PLCB3: variants seen among roughly 807,000 people sequenced by gnomAD.
PLCB3 encodes phospholipase C beta 3.
Under a neutral mutation model 152.1 loss-of-function variants are expected in PLCB3, and 54 were observed. The observed-to-expected ratio is 0.36, with a 90% CI of 0.29 to 0.45. PLCB3 has a LOEUF of 0.45. Among genes scored for constraint, PLCB3 ranks in the 20% least tolerant of loss-of-function variants. PLCB3 has a pLI of 1.00. For synonymous variants in PLCB3, 717 were observed against 698.7 expected (o/e 1.03, Z -0.41); for missense variants, 1,248 against 1,687.5 (o/e 0.74, Z 4.56).
intron 17 of PLCB3, 98 bp downstream of exon 17, chr11:64,262,174 G>A: frequency 6.5e-7 from 1 of 1,538,188 alleles, no homozygotes; most frequent in Non-Finnish European, 9.0e-7. Context: ...CTCTGACCCT[G>A]TCTCATCCCA....
rs764515580 is a variant in PLCB3, at chr11:64,263,534, G to A, written c.2392G>A (p.Ala798Thr). 3 of 1,585,492 alleles carry A rather than the reference G, an allele frequency of 1.9e-6. No individual in the cohort carries two copies. Among genetic ancestry groups the A allele is most frequent in the Non-Finnish European group, 2.6e-6 (3 of 1,166,198 alleles). ...CACGCTGGCTTCACTTCGCATTGCA[G>A]CCTTTGAGGAGGGGGGTAAATTCGT... Reference protein sequence around the residue: ...LPTLASLRIAAFEEGGKFVGH... With the variant: ...LPTLASLRIATFEEGGKFVGH... Residue 798 changes from alanine (A) to threonine (T), a missense_variant, in exon 20 of 31, where the codon GCC (alanine) becomes ACC (threonine). Ala to Thr is a moderately conservative substitution (Grantham distance 58). Around this residue, in one of 6 missense-constraint regions of PLCB3, gnomAD observed 244 missense variants for 424.4 expected, o/e 0.57. Transcript: ENST00000279230.
rs1233223236 is a variant in PLCB3, at chr11:64,267,193, G to A, written c.3423G>A (p.Glu1141=). 8 of 1,550,068 alleles carry A rather than the reference G, an allele frequency of 5.2e-6. No individual in the cohort carries two copies. Among genetic ancestry groups the A allele is most frequent in the Non-Finnish European group, 7.0e-6 (8 of 1,146,974 alleles). The change falls in exon 30 of 31, where the codon GAG becomes GAA. Residue 1141 remains glutamate, a synonymous_variant. Transcript: ENST00000279230. The surrounding 1 kb of genome is among the most constrained non-coding windows in gnomAD (Gnocchi z 5.2). Reference sequence around the variant, plus strand: ...CTTGCCCACCCCTGTAGCTGGAGGAGGCCCAGAAGCAGCGGCATGACCGTC... The same window carrying A: ...CTTGCCCACCCCTGTAGCTGGAGGAAGCCCAGAAGCAGCGGCATGACCGTC... ...ESVNSIRRLE[E]AQKQRHDRLV...
rs964847885 is a variant in PLCB3 at position 64,259,348 on chromosome 11, C to G, written c.1525+104C>G. 3 of 992,436 alleles carry G rather than the reference C, an allele frequency of 3.0e-6. No homozygotes were observed. In the African/African-American group the frequency reaches 4.9e-5, roughly 16 times the overall value. The allele number at this position is 992,436 out of a possible 1,614,324, so 61.5% of individuals were successfully genotyped here. A position where few individuals can be genotyped will look rare whatever the true frequency, so the allele number is the denominator to read the frequency against. On this transcript the variant is annotated intron_variant, in intron 13 of 30. Transcript: ENST00000279230. Reference sequence around the variant, plus strand: ...CCAGACCCCCAGCCCACCCTCCTGCCTCGCTGTGCGCCTGTTCCCACAACC... The same window carrying G: ...CCAGACCCCCAGCCCACCCTCCTGCGTCGCTGTGCGCCTGTTCCCACAACC...
At chr11:64,260,323 C>A in intron 14 of PLCB3, 89 bp downstream of exon 14, 2 of 885,596 alleles carry the variant, frequency 2.3e-6, no homozygotes, top group Non-Finnish European at 3.5e-6. Context: ...ACTGACATCA[C>A]CCCTGCCTCC....
At position 64,255,639 on chromosome 11, in the gene PLCB3, C is replaced by CGGGGTGGGGGGGGGGGGGCACGGGGGG; in HGVS notation, c.597+32_597+33insGGGGGGGGGCACGGGGGGGGGGTGGGG. 1 of 645,414 alleles carries CGGGGTGGGGGGGGGGGGGCACGGGGGG rather than the reference C, an allele frequency of 1.5e-6. No homozygotes were observed. The highest frequency in any genetic ancestry group is 2.7e-6 in the Non-Finnish European group (1 of 370,670). 40.0% of individuals were successfully genotyped at this position (645,414 alleles called of 1,614,324 possible). On this transcript the variant is annotated intron_variant, in intron 7 of 30. Coordinates refer to ENST00000279230, the MANE Select transcript of PLCB3 (RefSeq NM_000932.5). The surrounding 1 kb of genome is among the most constrained non-coding windows in gnomAD (Gnocchi z 6.8). Reference sequence around the variant, plus strand: ...CGGGTGTGTGGGGTGGGGACAGGGGCGGGGTGGGGTGTCACGGTGGGCACC... The same window carrying CGGGGTGGGGGGGGGGGGGCACGGGGGG: ...CGGGTGTGTGGGGTGGGGACAGGGGCGGGGTGGGGGGGGGGGGGCACGGGGGGGGGGTGGGGTGTCACGGTGGGCACC...
Position 64,255,931 on chromosome 11 carries a change from C to T in PLCB3, c.698+110C>T, listed in dbSNP as rs1257606812. On this transcript the variant is annotated intron_variant, in intron 8 of 30. Coordinates refer to ENST00000279230, the MANE Select transcript of PLCB3 (RefSeq NM_000932.5). This position sits in a 1 kb window ranked among gnomAD's most constrained non-coding sequence, Gnocchi z 6.8. ...GAAACTGGTGGGCCGGGTCCTGGAGCGCCAGGGGGCGGAGGGGTGCCCAGG... is the reference window on the plus strand; with the variant it reads ...GAAACTGGTGGGCCGGGTCCTGGAGTGCCAGGGGGCGGAGGGGTGCCCAGG... The T allele has an allele frequency of 8.3e-6, 7 of 840,710 alleles. No homozygotes were observed. Among genetic ancestry groups the T allele is most frequent in the Admixed American group, 1.9e-5 (1 of 53,038 alleles). The allele number at this position is 840,710 out of a possible 1,614,324, so 52.1% of individuals were successfully genotyped here. A position where few individuals can be genotyped will look rare whatever the true frequency, so the allele number is the denominator to read the frequency against.
chr11:64,262,528 G>A lies in PLCB3; in HGVS notation c.2160G>A (p.Val720=), dbSNP rs1049791374. The change falls in exon 18 of 31, where the codon GTG becomes GTA. Residue 720 remains valine, a synonymous_variant. Coordinates refer to ENST00000279230, the MANE Select transcript of PLCB3 (RefSeq NM_000932.5). ...TCGACCCCTTCACTGAGGTCATCGT[G>A]GATGGCATCGTGGCCAATGCCTTGC... ...KSFDPFTEVI[V]DGIVANALRV... is the part of the protein sequence containing the mutation. 6.2e-7 allele frequency: 1 copy of A among 1,613,964 alleles called. No homozygotes were observed. Among genetic ancestry groups the A allele is most frequent in the East Asian group, 2.2e-5 (1 of 44,876 alleles).
chr11:64,254,742 C>T lies in PLCB3; in HGVS notation c.178-6C>T. On this transcript the variant is annotated splice_region_variant and splice_polypyrimidine_tract_variant and intron_variant, in intron 2 of 30. Coordinates refer to ENST00000279230, the MANE Select transcript of PLCB3 (RefSeq NM_000932.5). ...CATACTCAGCCTGGCATCTGGTTCCCCCCAGGAGGTGGACACACTGGACAT... is the reference window on the plus strand; with the variant it reads ...CATACTCAGCCTGGCATCTGGTTCCTCCCAGGAGGTGGACACACTGGACAT... 6 of 1,612,434 alleles carry T rather than the reference C, an allele frequency of 3.7e-6. No individual in the cohort carries two copies. Among genetic ancestry groups the T allele is most frequent in the Non-Finnish European group, 5.1e-6 (6 of 1,179,744 alleles).
chr11:64,256,257 C>G, intron 8 of PLCB3, 119 bp from the exon 9 acceptor site: 2 of 843,316 alleles, frequency 2.4e-6, no homozygotes. Context: ...CAGAGTCCCA[C>G]TCACTGGGTG....
intron 1 of PLCB3, 75 bp downstream of exon 1, chr11:64,251,823 C>G (rs2031219071): frequency 2.3e-6 from 2 of 864,514 alleles, no homozygotes; most frequent in African/African-American, 3.6e-5. Flanking sequence ...CTGGGGACCC[C>G]CACCCCAGCC....
In PLCB3 at chr11:64,256,660, A is replaced by C. The variant is rs751345085; in HGVS notation, c.908A>C (p.Glu303Ala). The change falls in exon 10 of 31, where the codon GAG (glutamate) becomes GCG (alanine). Residue 303 changes from glutamate (E) to alanine (A), a missense_variant. Physicochemically the swap from Glu to Ala is moderately radical, Grantham distance 107 (BLOSUM62 -1). Around this residue, in one of 6 missense-constraint regions of PLCB3, gnomAD observed 299 missense variants for 434.7 expected, o/e 0.69. Coordinates refer to ENST00000279230, the MANE Select transcript of PLCB3 (RefSeq NM_000932.5). Reference protein sequence around the residue: ...MEGFSRYLGGEENGILPLEAL... With the variant: ...MEGFSRYLGGAENGILPLEAL... ...GGCTTTAGCCGCTACCTGGGAGGCG[A>C]GGAGAATGGCATCCTGCCCCTGGAA... 6.2e-7 allele frequency: 1 copy of C among 1,614,200 alleles called. No homozygotes were observed. Among genetic ancestry groups the C allele is most frequent in the South Asian group, 1.1e-5 (1 of 91,092 alleles).
At chr11:64,265,727 C>A (rs1471737629) in intron 25 of PLCB3, among the ~76,000 whole-genome samples, 159 bp from the exon 26 acceptor site, 1 of 152,202 alleles carries the variant, frequency 6.6e-6, no homozygotes, top group Non-Finnish European at 1.5e-5. Flanking sequence ...AGGCTCCCAT[C>A]ACTTGGGTGG....
At position 64,258,851 on chromosome 11, in the gene PLCB3, G is replaced by C; in HGVS notation, c.1254-34G>C. 6.2e-7 allele frequency: 1 copy of C among 1,612,038 alleles called. No individual in the cohort carries two copies. Among genetic ancestry groups the C allele is most frequent in the Non-Finnish European group, 8.5e-7 (1 of 1,178,210 alleles). The stretch of plus-strand genomic sequence containing the variant: ...GTAGACCTCAGCTTCCTCTCTGGGG[G>C]AGGGATCTCTGACCTCTGACCTCGG... On this transcript the variant is annotated intron_variant, in intron 11 of 30. Coordinates refer to ENST00000279230, the MANE Select transcript of PLCB3 (RefSeq NM_000932.5). This position sits in a 1 kb window ranked among gnomAD's most constrained non-coding sequence, Gnocchi z 7.2.
rs769333186 is a variant in PLCB3, at chr11:64,254,427, C to G, written c.112C>G (p.Arg38Gly). 5.0e-6 allele frequency: 8 copies of G among 1,613,788 alleles called. No homozygotes were observed. Among genetic ancestry groups the G allele is most frequent in the Non-Finnish European group, 6.8e-6 (8 of 1,179,840 alleles). Residue 38 changes from arginine to glycine, a missense_variant, in exon 2 of 31, where the codon CGG (arginine) becomes GGG (glycine). By Grantham distance (125) the Arg-to-Gly change is moderately radical (BLOSUM62 -2). Transcript: ENST00000279230. The stretch of plus-strand genomic sequence containing the variant: ...GTGCTGTCCTCAGGAGACCTCCAGT[C>G]GGAACCTGGTGACCCTGCGTGTGGA... ...FIKWDEETSS[R>G]NLVTLRVDPN...
chr11:64,264,879 G>C, intron 22 of PLCB3, 72 bp from the exon 23 acceptor site: 1 of 1,479,186 alleles, frequency 6.8e-7, no homozygotes, highest in Non-Finnish European at 9.4e-7. Flanking sequence ...GGGGACCCAG[G>C]AGGTGGTAGA....
chr11:64,261,772 C>T (rs750970210), intron 16 of PLCB3, 107 bp downstream of exon 16: 123 of 1,400,890 alleles, frequency 8.8e-5, no homozygotes, highest in Middle Eastern at 2.2e-4. Context: ...GCTGGCCCTC[C>T]GGCGGCCCTC....
intron 25 of PLCB3, 133 bp downstream of exon 25, chr11:64,265,635 G>A: frequency 7.1e-7 from 1 of 1,409,004 alleles, no homozygotes. Context: ...AAGGATGGAG[G>A]AGGCTTTCCA....
In PLCB3 at chr11:64,266,592, C is replaced by T; in HGVS notation, c.3414+40C>T. 2 of 1,596,250 alleles carry T rather than the reference C, an allele frequency of 1.3e-6. No individual in the cohort carries two copies. The highest frequency in any genetic ancestry group is 1.7e-6 in the Non-Finnish European group (2 of 1,164,096). On this transcript the variant is annotated intron_variant, in intron 29 of 30. Transcript: ENST00000279230. The surrounding 1 kb of genome is among the most constrained non-coding windows in gnomAD (Gnocchi z 4.9). ...CGGGCCACCCTACCCCACCTCCCTTCCTTCACTCATCAGACACCCATCTCC... is the reference window on the plus strand; with the variant it reads ...CGGGCCACCCTACCCCACCTCCCTTTCTTCACTCATCAGACACCCATCTCC...
At position 64,255,140 on chromosome 11, in the gene PLCB3, T is replaced by C; in HGVS notation, c.388-94T>C. On this transcript the variant is annotated intron_variant, in intron 4 of 30. Coordinates refer to ENST00000279230, the MANE Select transcript of PLCB3 (RefSeq NM_000932.5). This position sits in a 1 kb window ranked among gnomAD's most constrained non-coding sequence, Gnocchi z 6.8. ...CTGTGTTCTAGGCTGCTCTGTGACC[T>C]ACTGTGTACCAGAGGCAGTTGTGGA... The C allele has an allele frequency of 6.6e-7, 1 of 1,516,370 alleles. No homozygotes were observed. Among genetic ancestry groups the C allele is most frequent in the Non-Finnish European group, 9.2e-7 (1 of 1,092,682 alleles). 93.9% of individuals were successfully genotyped at this position (1,516,370 alleles called of 1,614,324 possible). A position where few individuals can be genotyped will look rare whatever the true frequency, so the allele number is the denominator to read the frequency against.
Sources: allele counts gnomAD v4.1 joint callset (sites outside exome capture counted in the v4.1 genomes callset), GRCh38; gene constraint gnomAD v4.1.1; regional missense constraint gnomAD v4.1.1; non-coding constraint Gnocchi (gnomAD v3.1); transcripts MANE v1.5; gene names NCBI Gene and HGNC (gene_info 2026-07-23, HGNC 2026-07-21).